The following IP6K1 variants were observed in gnomAD, a reference collection of about 807,000 sequenced individuals.
IP6K1 encodes inositol hexakisphosphate kinase 1.
IP6K1 carries 13 observed loss-of-function variants against 38.3 expected under a neutral mutation model. The ratio of observed to expected loss-of-function variants is 0.34; its 90% CI spans 0.22 to 0.54. The LOEUF (loss-of-function observed/expected upper bound fraction) is 0.54, where lower values mean the gene tolerates loss of function less well. Ranked by LOEUF, IP6K1 falls within the 20% of genes least tolerant of loss-of-function variation. The pLI, the probability that IP6K1 is intolerant of heterozygous loss-of-function variation, is 0.92. For missense variants in IP6K1, 397 were observed against 599.8 expected, an observed-to-expected ratio of 0.66 and a Z score of 3.53; for synonymous variants, 212 against 229.9, an observed-to-expected ratio of 0.92 and a Z score of 0.70.
intron 3 of IP6K1, among the ~76,000 whole-genome samples, chr3:49,736,147 C>T (rs2080609538): frequency 6.6e-6 from 1 of 152,168 alleles, no homozygotes; most frequent in South Asian, 2.1e-4. Flanking sequence ...AACTCCTGAC[C>T]TCAGGTGATC....
intron 2 of IP6K1, among the ~76,000 whole-genome samples, chr3:49,741,406 ATTTCTTAATGACT>A (rs1027477470): frequency 6.6e-6 from 1 of 152,090 alleles, no homozygotes; most frequent in Non-Finnish European, 1.5e-5. Context: ...TTTGATTTGC[ATTTCTTAATGACT>A]AATCATGTTG....
chr3:49,735,927 T>C (rs1472925781), intron 3 of IP6K1, among the ~76,000 whole-genome samples: 1 of 152,192 alleles, frequency 6.6e-6, no homozygotes. Context: ...GAAACCTTTT[T>C]TTCTTGAGAC....
chr3:49,752,282 T>C (rs13353454), intron 1 of IP6K1, among the ~76,000 whole-genome samples: 5,387 of 152,040 alleles, frequency 0.035, 323 homozygotes, highest in African/African-American at 0.12. Flanking sequence ...GGTCAGGAGA[T>C]TGAGACCATC....
intron 1 of IP6K1, chr3:49,775,736 C>A (rs57648519): frequency 0.48 from 168,354 of 348,482 alleles, 42,546 homozygotes; most frequent in African/African-American, 0.59. Flanking sequence ...CTGCTAGTGT[C>A]CTGGCAGCTT....
At chr3:49,772,349 A>G (rs1310671803) in intron 1 of IP6K1, among the ~76,000 whole-genome samples, 1 of 148,002 alleles carries the variant, frequency 6.8e-6, no homozygotes, top group African/African-American at 2.5e-5. Flanking sequence ...TATATAATAT[A>G]TAAAATATAT....
intron 2 of IP6K1, among the ~76,000 whole-genome samples, chr3:49,739,185 C>T (rs1313857480): frequency 6.6e-6 from 1 of 152,050 alleles, no homozygotes; most frequent in Non-Finnish European, 1.5e-5. Flanking sequence ...CCACATCCCA[C>T]CTTTTGTCTG....
intron 1 of IP6K1, among the ~76,000 whole-genome samples, chr3:49,761,021 A>G (rs1325236189): frequency 6.6e-6 from 1 of 152,216 alleles, no homozygotes; most frequent in Admixed American, 6.5e-5. Flanking sequence ...TATTGCAAAA[A>G]ACCTGTAAAA....
chr3:49,728,365 CT>C, intron 4 of IP6K1, 87 bp from the exon 5 acceptor site: 1 of 1,314,642 alleles, frequency 7.6e-7, no homozygotes, highest in Non-Finnish European at 1.1e-6. Flanking sequence ...TAAAAGGGGG[CT>C]TTTACCTAAT....
intron 1 of IP6K1, among the ~76,000 whole-genome samples, chr3:49,763,226 C>T (rs1353950288): frequency 1.3e-5 from 2 of 151,612 alleles, no homozygotes; most frequent in African/African-American, 4.9e-5. Context: ...GCCTAAGCCT[C>T]CCCAGCAGCT....
In IP6K1 at chr3:49,771,188, CAAAAAAAAAAAA is replaced by C. The variant is rs35601566; in HGVS notation, c.-129+15154_-129+15165del. Among the ~76,000 whole-genome samples the C allele has an allele frequency of 5.4e-4, 39 of 72,500 alleles. No individual in the cohort carries two copies. In the Admixed American group the frequency reaches 6.3e-3, roughly 12 times the overall value. 47.6% of individuals were successfully genotyped at this position (72,500 alleles called of 152,430 possible). A position where few individuals can be genotyped will look rare whatever the true frequency, so the allele number is the denominator to read the frequency against. ...AAAAAAACTTCCTAAAACTCAGTAA[CAAAAAAAAAAAA>C]AAAAAAAAAAAACCCTGCCAGGCAC... On this transcript the variant is annotated intron_variant, in intron 1 of 5. Coordinates refer to ENST00000321599, the MANE Select transcript of IP6K1 (RefSeq NM_153273.4).
rs1575301686 is a variant in IP6K1, at chr3:49,728,409, G to A, written c.617-131C>T. 2.7e-5 allele frequency: 21 copies of A among 765,360 alleles called. No homozygotes were observed. In the East Asian group the frequency reaches 5.7e-4, roughly 21 times the overall value. 47.4% of individuals were successfully genotyped at this position (765,360 alleles called of 1,614,324 possible). On this transcript the variant is annotated intron_variant, in intron 4 of 5. Coordinates refer to ENST00000321599, the MANE Select transcript of IP6K1 (RefSeq NM_153273.4). ...GTACTTGTCTCAAACTCTCAAATAT[G>A]GGTTTCACACCACTGGCTTATTACT...
chr3:49,726,718 A>C lies in IP6K1; in HGVS notation c.*404T>G, dbSNP rs2080505788. ...GCCCTCTACTTCTGGGGAACAAGGGAAGAGTGGGCGTGGAGGGGCCCTGCA... is the reference window on the plus strand; with the variant it reads ...GCCCTCTACTTCTGGGGAACAAGGGCAGAGTGGGCGTGGAGGGGCCCTGCA... On this transcript the variant is annotated 3_prime_UTR_variant, in exon 6 of 6. Coordinates refer to ENST00000321599, the MANE Select transcript of IP6K1 (RefSeq NM_153273.4). 3.9e-6 allele frequency: 1 copy of C among 253,966 alleles called. No homozygotes were observed. Among genetic ancestry groups the C allele is most frequent in the Admixed American group, 5.2e-5 (1 of 19,232 alleles). 15.7% of individuals were successfully genotyped at this position (253,966 alleles called of 1,614,324 possible). A position where few individuals can be genotyped will look rare whatever the true frequency, so the allele number is the denominator to read the frequency against.
At position 49,732,957 on chromosome 3, in the gene IP6K1, C is replaced by A; in HGVS notation, c.450G>T (p.Lys150Asn). The change falls in exon 4 of 6, where the codon AAG (lysine) becomes AAT (asparagine). Residue 150 changes from lysine to asparagine, a missense_variant. Physicochemically the swap from Lys to Asn is moderately conservative, Grantham distance 94 (BLOSUM62 0). This residue lies in a region of IP6K1 where 171 missense variants were observed against 237.0 expected (regional missense o/e 0.72). Coordinates refer to ENST00000321599, the MANE Select transcript of IP6K1 (RefSeq NM_153273.4). ...LETSESSQEA[K>N]SPKVELHSHS... ...GGCTGTGCAGCTCCACCTTCGGACT[C>A]TTTGCCTCCTGTGAGCTAAGAAGGA... 2 of 1,612,848 alleles carry A rather than the reference C, an allele frequency of 1.2e-6. No individual in the cohort carries two copies. Among genetic ancestry groups the A allele is most frequent in the Non-Finnish European group, 1.7e-6 (2 of 1,179,128 alleles).
At chr3:49,771,677 T>C (rs758833161) in intron 1 of IP6K1, among the ~76,000 whole-genome samples, 1 of 152,206 alleles carries the variant, frequency 6.6e-6, no homozygotes, top group Non-Finnish European at 1.5e-5. Context: ...ATCTATCCTA[T>C]GACCCAGCAA....
chr3:49,784,110 G>A (rs973000643), intron 1 of IP6K1, among the ~76,000 whole-genome samples: 13 of 152,060 alleles, frequency 8.5e-5, no homozygotes, highest in South Asian at 6.2e-4. Flanking sequence ...TCCGCTTTCC[G>A]GGTTCAGGTG....
chr3:49,745,089 A>G (rs1327835190), intron 2 of IP6K1, among the ~76,000 whole-genome samples: 1 of 152,164 alleles, frequency 6.6e-6, no homozygotes, highest in Non-Finnish European at 1.5e-5. Flanking sequence ...CATAAGTGTA[A>G]AAGACAAAAA....
chr3:49,774,027 C>T (rs1026591377), intron 1 of IP6K1, among the ~76,000 whole-genome samples: 2 of 151,268 alleles, frequency 1.3e-5, no homozygotes, highest in African/African-American at 2.4e-5. Flanking sequence ...ACAACACACA[C>T]ATAAAACCAG....
intron 1 of IP6K1, among the ~76,000 whole-genome samples, chr3:49,766,958 C>CAAAAAAAAA (rs144308874): frequency 1.8e-5 from 1 of 55,390 alleles, no homozygotes; most frequent in African/African-American, 7.8e-5. Context: ...GACTCCGTCT[C>CAAAAAAAAA]AAAAAAAAAA....
intron 1 of IP6K1, among the ~76,000 whole-genome samples, chr3:49,751,156 T>TTGTTGTTG (rs1553694826): frequency 6.7e-6 from 1 of 148,992 alleles, no homozygotes; most frequent in Non-Finnish European, 1.5e-5. Context: ...TCCTTTTTTT[T>TTGTTGTTG]TTGTTGTTGT....
Sources: allele counts gnomAD v4.1 joint callset (sites outside exome capture counted in the v4.1 genomes callset), GRCh38; gene constraint gnomAD v4.1.1; regional missense constraint gnomAD v4.1.1; transcripts MANE v1.5; gene names NCBI Gene and HGNC (gene_info 2026-07-23, HGNC 2026-07-21).